The following ZNF676 variants were observed in gnomAD, a reference collection of about 807,000 sequenced individuals.
The protein encoded by ZNF676 is zinc finger protein 676.
In ZNF676, 4 loss-of-function variants were observed where a neutral mutation model predicts 6.0. The observed-to-expected ratio is 0.67, with a 90% confidence interval of 0.33 to 1.53. ZNF676 has a LOEUF of 1.53. ZNF676 is among the 40% of genes most tolerant of loss of function. ZNF676 has a pLI of 0.06. For missense variants in ZNF676, 644 were observed against 679.7 expected (o/e 0.95, Z 0.58); for synonymous variants, 198 against 223.1 (o/e 0.89, Z 1.00).
At chr19:22,255,394 G>A in the ZNF676 span, among the ~76,000 whole-genome samples, 1 of 152,120 alleles carries the variant, frequency 6.6e-6, no homozygotes, top group African/African-American at 2.4e-5. Flanking sequence ...GGCTTTACAT[G>A]GTTTGCATGA....
the ZNF676 span, among the ~76,000 whole-genome samples, chr19:22,234,968 G>GAAAGAAAGAAAGAAAA: frequency 2.4e-4 from 6 of 24,510 alleles, no homozygotes; most frequent in African/African-American, 9.8e-4. Context: ...GCAAGAGAAA[G>GAAAGAAAGAAAGAAAA]AAAGAAAGAA....
chr19:22,219,785 A>G (rs2024229406), upstream of ZNF676, among the ~76,000 whole-genome samples: 1 of 151,794 alleles, frequency 6.6e-6, no homozygotes, highest in African/African-American at 2.4e-5. Context: ...CCTCCCCAGT[A>G]GCTGGCACCA....
intron 1 of ZNF676, among the ~76,000 whole-genome samples, chr19:22,207,982 A>AC (rs2024092468): frequency 7.9e-6 from 1 of 126,058 alleles, no homozygotes; most frequent in Non-Finnish European, 1.7e-5. Context: ...CTTAAAAATT[A>AC]TAAAAAAAAA....
At chr19:22,252,280 A>C in the ZNF676 span, among the ~76,000 whole-genome samples, 1 of 152,068 alleles carries the variant, frequency 6.6e-6, no homozygotes, top group Non-Finnish European at 1.5e-5. Context: ...CTGTAATCCC[A>C]GCTTCTCATG....
At chr19:22,182,697 C>G (rs916364828) in intron 2 of ZNF676, among the ~76,000 whole-genome samples, 1 of 147,688 alleles carries the variant, frequency 6.8e-6, no homozygotes, top group Non-Finnish European at 1.5e-5. Context: ...TTCAAAATAA[C>G]CAAATTCTTA....
the ZNF676 span, among the ~76,000 whole-genome samples, chr19:22,241,665 T>C: frequency 6.6e-6 from 1 of 151,648 alleles, no homozygotes; most frequent in Non-Finnish European, 1.5e-5. Context: ...AGAGTCAGAA[T>C]TTGCTCTGAG....
chr19:22,215,061 C>A lies in ZNF676; in HGVS notation c.3+571G>T, dbSNP rs74993423. 6.3e-3 allele frequency among the ~76,000 whole-genome samples: 779 copies of A among 124,352 alleles called. 11 individuals are homozygous for A. The highest frequency in any genetic ancestry group is 0.017 in the African/African-American group (590 of 34,416). 81.6% of individuals were successfully genotyped at this position (124,352 alleles called of 152,430 possible). A position where few individuals can be genotyped will look rare whatever the true frequency, so the allele number is the denominator to read the frequency against. ...ATCTCAAAAAAAAAAAAAAAAAAAA[C>A]AACAAAAAACCAGGAAACTACATAA... On this transcript the variant is annotated intron_variant, in intron 1 of 3. Coordinates refer to the ZNF676 transcript ENST00000650058.
Position 22,179,566 on chromosome 19 carries a change from C to G in ZNF676, c.*384G>C, listed in dbSNP as rs2023696934. The G allele has an allele frequency of 7.2e-6, 3 of 413,974 alleles. No individual in the cohort carries two copies. Among genetic ancestry groups the G allele is most frequent in the South Asian group, 6.5e-5 (3 of 46,076 alleles). 25.6% of individuals were successfully genotyped at this position (413,974 alleles called of 1,614,324 possible). A position where few individuals can be genotyped will look rare whatever the true frequency, so the allele number is the denominator to read the frequency against. On this transcript the variant is annotated 3_prime_UTR_variant, in exon 3 of 3. Transcript: ENST00000397121. ...CCTCCTGTATAAATTCCCTTATGTT[C>G]AGTAAGGGTTGAGAACTAATGAAAA...
At chr19:22,207,307 G>T (rs2024085795) in intron 1 of ZNF676, among the ~76,000 whole-genome samples, 2 of 152,058 alleles carry the variant, frequency 1.3e-5, no homozygotes, top group Admixed American at 6.5e-5. Context: ...AGAACACCTA[G>T]GCCAAATCCG....
At chr19:22,196,150 C>T (rs1472734911) in intron 1 of ZNF676, among the ~76,000 whole-genome samples, 2 of 152,204 alleles carry the variant, frequency 1.3e-5, no homozygotes, top group Non-Finnish European at 2.9e-5. Context: ...AGTGTTGTGA[C>T]CAACTCAGCA....
At chr19:22,184,787 T>A (rs1311762097) in intron 2 of ZNF676, among the ~76,000 whole-genome samples, 1 of 132,380 alleles carries the variant, frequency 7.6e-6, no homozygotes, top group African/African-American at 3.0e-5. Context: ...AAGACCAGAC[T>A]GTATCTCCAG....
chr19:22,240,655 TG>T, the ZNF676 span, among the ~76,000 whole-genome samples: 1 of 151,830 alleles, frequency 6.6e-6, no homozygotes, highest in Non-Finnish European at 1.5e-5. Context: ...ACACCAAGTG[TG>T]GTGGCAGGCT....
chr19:22,232,203 C>T, the ZNF676 span, among the ~76,000 whole-genome samples: 6 of 151,798 alleles, frequency 4.0e-5, no homozygotes, highest in African/African-American at 4.8e-5. Context: ...GAGTCTCGCT[C>T]TGTCTCCAGG....
At chr19:22,202,734 T>C (rs1398198018) in intron 1 of ZNF676, among the ~76,000 whole-genome samples, 1 of 152,200 alleles carries the variant, frequency 6.6e-6, no homozygotes, top group Non-Finnish European at 1.5e-5. Context: ...CACCATGTCA[T>C]ACATAGTTCA....
intron 2 of ZNF676, among the ~76,000 whole-genome samples, chr19:22,186,077 C>A (rs1480583800): frequency 6.6e-6 from 1 of 152,024 alleles, no homozygotes; most frequent in Non-Finnish European, 1.5e-5. Flanking sequence ...GAGAGAGAAT[C>A]GTCAGATTCA....
chr19:22,190,661 A>ATATGTTGCATTCTATTTTAT (rs2023895456), intron 2 of ZNF676, among the ~76,000 whole-genome samples: 11 of 116,132 alleles, frequency 9.5e-5, no homozygotes, highest in Non-Finnish European at 1.6e-4. Context: ...ATATATATAT[A>ATATGTTGCATTCTATTTTAT]TATACATACA....
intron 1 of ZNF676, among the ~76,000 whole-genome samples, chr19:22,202,038 ACT>A (rs2024031181): frequency 6.6e-6 from 1 of 151,976 alleles, no homozygotes; most frequent in Non-Finnish European, 1.5e-5. Flanking sequence ...TCAGATAAAA[ACT>A]TTTTTTTTTC....
At position 22,210,176 on chromosome 19, in the gene ZNF676, A is replaced by G. The variant is rs562787509; in HGVS notation, c.3+5456T>C. Among the ~76,000 whole-genome samples, 358 of 152,298 alleles carry G rather than the reference A, an allele frequency of 2.4e-3. 2 individuals carry two copies. The highest frequency in any genetic ancestry group is 4.0e-3 in the Non-Finnish European group (269 of 68,028). The stretch of plus-strand genomic sequence containing the variant: ...GACACCCGGAGTTTCATTCTAGGCC[A>G]GGAGTCTGTGATATCTTTCTTCTGG... On this transcript the variant is annotated intron_variant, in intron 1 of 3. Coordinates refer to the ZNF676 transcript ENST00000650058.
chr19:22,250,202 A>T, the ZNF676 span, among the ~76,000 whole-genome samples: 1 of 151,826 alleles, frequency 6.6e-6, no homozygotes, highest in Non-Finnish European at 1.5e-5. Flanking sequence ...AAAAGAAAAA[A>T]CTGGGTTTGA....
Sources: allele counts gnomAD v4.1 joint callset (sites outside exome capture counted in the v4.1 genomes callset), GRCh38; gene constraint gnomAD v4.1.1; transcripts MANE v1.5; gene names NCBI Gene and HGNC (gene_info 2026-07-23, HGNC 2026-07-21).